BLMH: variants seen among roughly 807,000 people sequenced by gnomAD.
BLMH encodes BLM hydrolase.
Under a neutral mutation model 61.6 loss-of-function variants are expected in BLMH, and 32 were observed. The ratio of observed to expected loss-of-function variants is 0.52; its 90% CI spans 0.39 to 0.70. The LOEUF (loss-of-function observed/expected upper bound fraction) is 0.70, where lower values mean the gene tolerates loss of function less well. Ranked by LOEUF, BLMH falls within the 30% of genes least tolerant of loss-of-function variation. The probability of loss-of-function intolerance (pLI) is 0.00; values close to 1 mark genes in which losing one functional copy is unlikely to be tolerated. For missense variants in BLMH, 460 were observed against 555.5 expected (o/e 0.83, Z 1.73); for synonymous variants, 183 against 193.8 (o/e 0.94, Z 0.46).
chr17:30,249,196 G>C (rs1293999195), intron 11 of BLMH, 28 bp from the exon 12 acceptor site: 1 of 1,612,664 alleles, frequency 6.2e-7, no homozygotes, highest in East Asian at 2.2e-5. Context: ...AGACTTATGA[G>C]TCCAGAGGGC....
At chr17:30,286,215 C>T (rs564394094) in intron 5 of BLMH, among the ~76,000 whole-genome samples, 1 of 152,288 alleles carries the variant, frequency 6.6e-6, no homozygotes, top group East Asian at 1.9e-4. Context: ...CTGGCAACTC[C>T]CAGTTCTCAA....
intron 11 of BLMH, among the ~76,000 whole-genome samples, chr17:30,254,594 GA>G (rs989637359): frequency 6.6e-6 from 1 of 151,530 alleles, no homozygotes; most frequent in Non-Finnish European, 1.5e-5. Flanking sequence ...AGATGCACAT[GA>G]AAAAAAACCA....
intron 11 of BLMH, among the ~76,000 whole-genome samples, chr17:30,261,388 T>C (rs1412181840): frequency 6.6e-6 from 1 of 152,218 alleles, no homozygotes; most frequent in Non-Finnish European, 1.5e-5. Context: ...ATTAGTGAAC[T>C]TTGAATTCTC....
intron 11 of BLMH, among the ~76,000 whole-genome samples, chr17:30,263,842 T>C (rs750376420): frequency 5.9e-5 from 9 of 152,192 alleles, no homozygotes; most frequent in Non-Finnish European, 8.8e-5. Flanking sequence ...GAAACATCAA[T>C]CTTAACAGTC....
chr17:30,270,412 G>A (rs1220219747), intron 10 of BLMH, among the ~76,000 whole-genome samples: 1 of 148,836 alleles, frequency 6.7e-6, no homozygotes, highest in African/African-American at 2.5e-5. Context: ...TGAGGCAGGA[G>A]AATCTTTTGA....
intron 6 of BLMH, among the ~76,000 whole-genome samples, chr17:30,284,353 C>T (rs1376209414): frequency 1.3e-5 from 2 of 152,214 alleles, no homozygotes; most frequent in African/African-American, 4.8e-5. Flanking sequence ...GATAGCCTGA[C>T]TTCAGAGATT....
At chr17:30,257,160 G>A (rs1907839058) in intron 11 of BLMH, among the ~76,000 whole-genome samples, 3 of 152,218 alleles carry the variant, frequency 2.0e-5, no homozygotes. Flanking sequence ...CACTTACCGT[G>A]TGCCAGGCAC....
intron 1 of BLMH, 121 bp downstream of exon 1, chr17:30,291,686 C>A: frequency 7.2e-7 from 1 of 1,383,144 alleles, no homozygotes; most frequent in Non-Finnish European, 9.5e-7. Context: ...TCCAGCCTGC[C>A]CCGAAAGCTC....
chr17:30,272,348 G>C (rs757861090), intron 9 of BLMH: 14 of 595,898 alleles, frequency 2.3e-5, no homozygotes, highest in Middle Eastern at 4.5e-4. Flanking sequence ...CACTCAGATA[G>C]AAAGTGGGAT....
chr17:30,248,318 A>G lies in BLMH; in HGVS notation c.*699T>C, dbSNP rs1227267486. The G allele has an allele frequency of 6.6e-6, 1 of 152,432 alleles. No homozygotes were observed. Among genetic ancestry groups the G allele is most frequent in the African/African-American group, 2.4e-5 (1 of 41,366 alleles). The allele number at this position is 152,432 out of a possible 1,614,324, so 9.4% of individuals were successfully genotyped here. A position where few individuals can be genotyped will look rare whatever the true frequency, so the allele number is the denominator to read the frequency against. On this transcript the variant is annotated 3_prime_UTR_variant, in exon 12 of 12. Coordinates refer to ENST00000261714, the MANE Select transcript of BLMH (RefSeq NM_000386.4). ...CCCCAGTTCCACAGGCAGAAGTTAA[A>G]CCATTTGGCTAGAGTTCCCCCTAAT...
intron 11 of BLMH, among the ~76,000 whole-genome samples, chr17:30,256,107 G>A (rs1031788475): frequency 8.5e-5 from 13 of 152,068 alleles, no homozygotes; most frequent in African/African-American, 3.1e-4. Context: ...GGCTGGTCTT[G>A]AGCTCCTGGG....
At chr17:30,289,529 T>G in intron 2 of BLMH, 47 bp from the exon 3 acceptor site, 1 of 1,315,770 alleles carries the variant, frequency 7.6e-7, no homozygotes. Flanking sequence ...TCACATAGAC[T>G]GCACTGCTCC....
chr17:30,281,067 T>G (rs891096856), intron 6 of BLMH, among the ~76,000 whole-genome samples: 8 of 144,020 alleles, frequency 5.6e-5, no homozygotes, highest in East Asian at 4.0e-4. Context: ...AAGATCTGTG[T>G]TTTTTTTTTT....
chr17:30,274,120 A>T lies in BLMH; in HGVS notation c.723T>A (p.Asn241Lys), dbSNP rs1908353937. Reference protein sequence around the residue: ...FTWEYRDKDKNYQKIGPITPL... With the variant: ...FTWEYRDKDKKYQKIGPITPL... Reference sequence around the variant, plus strand: ...GTGTTATGGGGCCAATTTTCTGATAATTTTTATCTTTGTCTCGATATTCCC... The same window carrying T: ...GTGTTATGGGGCCAATTTTCTGATATTTTTTATCTTTGTCTCGATATTCCC... The change falls in exon 7 of 12, where the codon AAT (asparagine) becomes AAA (lysine). Residue 241 changes from asparagine to lysine, a missense_variant. Physicochemically the swap from Asn to Lys is moderately conservative, Grantham distance 94 (BLOSUM62 0). Coordinates refer to ENST00000261714, the MANE Select transcript of BLMH (RefSeq NM_000386.4). 1 of 1,613,998 alleles carries T rather than the reference A, an allele frequency of 6.2e-7. No homozygotes were observed. The highest frequency in any genetic ancestry group is 1.3e-5 in the African/African-American group (1 of 74,916).
intron 6 of BLMH, among the ~76,000 whole-genome samples, chr17:30,274,997 G>A (rs1202828503): frequency 6.6e-6 from 1 of 150,390 alleles, no homozygotes; most frequent in East Asian, 1.9e-4. Context: ...CAAAAATTAG[G>A]GGCACATGTT....
At chr17:30,276,170 T>C (rs1567836802) in intron 6 of BLMH, among the ~76,000 whole-genome samples, 2 of 152,300 alleles carry the variant, frequency 1.3e-5, no homozygotes, top group Non-Finnish European at 2.9e-5. Context: ...TATTGCTCCT[T>C]GGCTACAGGA....
At chr17:30,289,623 C>T (rs1031315360) in intron 2 of BLMH, 141 bp from the exon 3 acceptor site, 2 of 477,876 alleles carry the variant, frequency 4.2e-6, no homozygotes, top group African/African-American at 4.0e-5. Flanking sequence ...AGATTAAAAA[C>T]AAAACAAGAA....
chr17:30,268,935 G>A (rs1364505395), intron 10 of BLMH, among the ~76,000 whole-genome samples: 2 of 149,820 alleles, frequency 1.3e-5, no homozygotes, highest in Non-Finnish European at 3.0e-5. Context: ...CTGCACTCAG[G>A]AGGCTGAGGC....
chr17:30,272,709 C>G (rs769891300), intron 8 of BLMH, 32 bp downstream of exon 8: 2 of 1,613,962 alleles, frequency 1.2e-6, no homozygotes, highest in Non-Finnish European at 1.7e-6. Context: ...ATGTTTTAAC[C>G]CCAATGTGCA....
Sources: gnomAD v4.1 joint callset for allele counts (sites outside exome capture counted in the v4.1 genomes callset) on GRCh38, gnomAD v4.1.1 for gene constraint, MANE v1.5 for transcripts, NCBI Gene and HGNC (gene_info 2026-07-23, HGNC 2026-07-21) for gene names.